The following RGS10 variants were observed in gnomAD, a reference collection of about 807,000 sequenced individuals.
The protein encoded by RGS10 is regulator of G-protein signalling 10.
RGS10 carries 11 observed loss-of-function variants against 23.5 expected under a neutral mutation model. The observed-to-expected ratio is 0.47, with a 90% CI of 0.29 to 0.77. The LOEUF is 0.77. Ranked by LOEUF, RGS10 falls within the 30% of genes least tolerant of loss-of-function variation. RGS10 has a pLI of 0.08. For missense variants in RGS10, 180 were observed against 226.3 expected (o/e 0.80, Z 1.31); for synonymous variants, 77 against 83.2 (o/e 0.92, Z 0.41).
At chr10:119,511,558 G>A (rs1399124597) in intron 4 of RGS10, among the ~76,000 whole-genome samples, 2 of 152,174 alleles carry the variant, frequency 1.3e-5, no homozygotes, top group East Asian at 3.8e-4. Context: ...GGCAGAGGCT[G>A]CAGTGAGCAG....
intron 3 of RGS10, among the ~76,000 whole-genome samples, chr10:119,522,086 G>A (rs1314692107): frequency 6.6e-6 from 1 of 152,202 alleles, no homozygotes; most frequent in Non-Finnish European, 1.5e-5. Context: ...ATCCTACAAA[G>A]AGGAAGGAAG....
At position 119,499,826 on chromosome 10, in the gene RGS10, G is replaced by A. The variant is rs1843931031; in HGVS notation, c.*287C>T. The A allele has an allele frequency of 6.7e-6, 2 of 298,542 alleles. No individual in the cohort carries two copies. Among genetic ancestry groups the A allele is most frequent in the Admixed American group, 4.9e-5 (1 of 20,430 alleles). 18.5% of individuals were successfully genotyped at this position (298,542 alleles called of 1,614,324 possible). On this transcript the variant is annotated 3_prime_UTR_variant, in exon 5 of 5. Transcript: ENST00000369103. ...AAGGTAGTGTGATACGTTTCACCTTGTGGCCTTACATGAGGTTTAATTAAG... is the reference window on the plus strand; with the variant it reads ...AAGGTAGTGTGATACGTTTCACCTTATGGCCTTACATGAGGTTTAATTAAG...
chr10:119,529,757 A>AT (rs1844314327), intron 1 of RGS10, among the ~76,000 whole-genome samples: 1 of 152,184 alleles, frequency 6.6e-6, no homozygotes, highest in Non-Finnish European at 1.5e-5. Flanking sequence ...ACATGTTTCT[A>AT]TAAAAAAAAG....
rs569103407 is a variant in RGS10, at chr10:119,510,633, T to C, written c.399+4876A>G. 2.6e-5 allele frequency among the ~76,000 whole-genome samples: 4 copies of C among 152,272 alleles called. No individual in the cohort carries two copies. In the East Asian group the frequency reaches 7.7e-4, roughly 29 times the overall value. On this transcript the variant is annotated intron_variant, in intron 4 of 4. Coordinates refer to ENST00000369103, the MANE Select transcript of RGS10 (RefSeq NM_001005339.2). ...ACAGAGTAGGGCCTCAGTTCATAAT[T>C]GCAGCATAAAGGAATGAATAAAACA...
intron 1 of RGS10, among the ~76,000 whole-genome samples, chr10:119,531,546 T>C (rs1161987507): frequency 6.6e-6 from 1 of 152,184 alleles, no homozygotes; most frequent in Non-Finnish European, 1.5e-5. Flanking sequence ...CTAATCATTT[T>C]TGCATATTAG....
At chr10:119,526,007 A>G (rs1265933071) in intron 3 of RGS10, 25 bp downstream of exon 3, 12 of 1,399,886 alleles carry the variant, frequency 8.6e-6, no homozygotes, top group Non-Finnish European at 1.2e-5. Context: ...ATAAGGGAAA[A>G]AAATTATCAG....
chr10:119,510,397 G>A (rs527813193), intron 4 of RGS10, among the ~76,000 whole-genome samples: 3 of 152,070 alleles, frequency 2.0e-5, no homozygotes, highest in Non-Finnish European at 4.4e-5. Flanking sequence ...CGGCTCCCAG[G>A]TCCTCTCATC....
intron 1 of RGS10, among the ~76,000 whole-genome samples, chr10:119,539,781 C>T (rs1046724031): frequency 2.0e-5 from 3 of 152,132 alleles, no homozygotes; most frequent in Non-Finnish European, 2.9e-5. Flanking sequence ...CGCGGAAAGA[C>T]AGTGTCTCCA....
At chr10:119,506,294 C>T (rs11198980) in intron 4 of RGS10, among the ~76,000 whole-genome samples, 7,023 of 152,280 alleles carry the variant, frequency 0.046, 289 homozygotes, top group East Asian at 0.2. Flanking sequence ...GATGAGCAGA[C>T]GAAGCAGCTC....
chr10:119,514,417 G>A (rs1844117110), intron 4 of RGS10, among the ~76,000 whole-genome samples: 1 of 151,946 alleles, frequency 6.6e-6, no homozygotes, highest in Non-Finnish European at 1.5e-5. Context: ...CAGTACTTTG[G>A]GAGGCCAAGG....
chr10:119,541,958 C>T (rs570486234), intron 1 of RGS10, among the ~76,000 whole-genome samples: 1 of 152,252 alleles, frequency 6.6e-6, no homozygotes, highest in African/African-American at 2.4e-5. Flanking sequence ...TTTGGCCTAT[C>T]AAGTTGCCCG....
chr10:119,516,847 G>C (rs368396877), intron 3 of RGS10, among the ~76,000 whole-genome samples: 1 of 152,316 alleles, frequency 6.6e-6, no homozygotes, highest in South Asian at 2.1e-4. Flanking sequence ...CTGAGGGCTC[G>C]ATTTTCTTTT....
At chr10:119,509,706 G>A (rs948576472) in intron 4 of RGS10, among the ~76,000 whole-genome samples, 6 of 152,154 alleles carry the variant, frequency 3.9e-5, no homozygotes, top group South Asian at 2.1e-4. Context: ...GGCATTGAAC[G>A]CTCATAGACT....
intron 1 of RGS10, among the ~76,000 whole-genome samples, chr10:119,530,401 C>T (rs2133958404): frequency 6.6e-6 from 1 of 152,238 alleles, no homozygotes; most frequent in East Asian, 1.9e-4. Flanking sequence ...AAATTAGAAC[C>T]AGGCCAGCTG....
intron 1 of RGS10, among the ~76,000 whole-genome samples, chr10:119,528,978 C>T (rs1844306910): frequency 6.6e-6 from 1 of 152,204 alleles, no homozygotes; most frequent in East Asian, 1.9e-4. Context: ...CCACTGTACT[C>T]TCTGACTCAC....
chr10:119,505,894 C>T (rs188996618), intron 4 of RGS10, among the ~76,000 whole-genome samples: 15 of 152,268 alleles, frequency 9.9e-5, no homozygotes, highest in African/African-American at 3.6e-4. Context: ...TATTTTAATC[C>T]AGCACAGGAG....
intron 1 of RGS10, among the ~76,000 whole-genome samples, chr10:119,532,790 G>A (rs552408797): frequency 2.0e-5 from 3 of 152,110 alleles, no homozygotes; most frequent in Admixed American, 6.5e-5. Context: ...GCAGTGAGCC[G>A]AGATGGCACC....
intron 1 of RGS10, among the ~76,000 whole-genome samples, chr10:119,534,148 C>T (rs1005007661): frequency 5.3e-5 from 8 of 151,726 alleles, no homozygotes; most frequent in Non-Finnish European, 7.4e-5. Context: ...CCCAGCTACA[C>T]GGGAGGCTGA....
chr10:119,504,494 A>G (rs1171263405), intron 4 of RGS10, among the ~76,000 whole-genome samples: 1 of 152,160 alleles, frequency 6.6e-6, no homozygotes, highest in Non-Finnish European at 1.5e-5. Context: ...ATTCTTTAAG[A>G]GTGTATCCAT....
Sources: gnomAD v4.1 joint callset for allele counts (sites outside exome capture counted in the v4.1 genomes callset) on GRCh38, gnomAD v4.1.1 for gene constraint, MANE v1.5 for transcripts, NCBI Gene and HGNC (gene_info 2026-07-23, HGNC 2026-07-21) for gene names.